Variants in LDLRAD4 observed in about 807,000 individuals in gnomAD.
LDLRAD4 encodes low-density lipoprotein receptor class A domain-containing protein 4.
A neutral mutation model predicts 17.0 loss-of-function variants in LDLRAD4; 5 were observed. That is an observed-to-expected ratio of 0.29 (90% confidence interval 0.15 to 0.62). LDLRAD4 has a LOEUF of 0.62. Among genes scored for constraint, LDLRAD4 ranks in the 20% least tolerant of loss-of-function variants. The probability of loss-of-function intolerance (pLI) is 0.84; values close to 1 mark genes in which losing one functional copy is unlikely to be tolerated. For missense variants in LDLRAD4, 340 were observed against 424.7 expected, an observed-to-expected ratio of 0.80 and a Z score of 1.75; for synonymous variants, 168 against 171.8, an observed-to-expected ratio of 0.98 and a Z score of 0.17.
At chr18:13,650,918 G>A (rs758734935) in exon 6 of LDLRAD4, 1 of 152,212 alleles carries the variant, frequency 6.6e-6, no homozygotes, top group African/African-American at 2.4e-5. Context: ...TATGACCAGC[G>A]TATATATAGC....
chr18:13,365,188 G>T (rs1035653531), intron 1 of LDLRAD4, among the ~76,000 whole-genome samples: 2 of 152,180 alleles, frequency 1.3e-5, no homozygotes, highest in Non-Finnish European at 2.9e-5. Context: ...TCCTTGGAAG[G>T]AGCTCCTGTA....
At chr18:13,369,543 T>G (rs2084306170) in intron 1 of LDLRAD4, among the ~76,000 whole-genome samples, 2 of 151,138 alleles carry the variant, frequency 1.3e-5, no homozygotes, top group African/African-American at 2.4e-5. Context: ...GAGATGAGAG[T>G]GGAAGGGAGG....
intron 2 of LDLRAD4, among the ~76,000 whole-genome samples, chr18:13,422,800 C>A (rs979460804): frequency 2.0e-5 from 3 of 152,238 alleles, no homozygotes; most frequent in Non-Finnish European, 4.4e-5. Context: ...GTTTTTTCCT[C>A]TTCTGTCTCA....
chr18:13,281,493 T>C (rs536162518), intron 1 of LDLRAD4, among the ~76,000 whole-genome samples: 2 of 152,348 alleles, frequency 1.3e-5, no homozygotes, highest in Non-Finnish European at 1.5e-5. Context: ...TGGGGGCTTC[T>C]AACTTGAGGA....
intron 1 of LDLRAD4, among the ~76,000 whole-genome samples, chr18:13,368,665 C>T (rs1210269347): frequency 6.6e-6 from 1 of 152,214 alleles, no homozygotes; most frequent in Non-Finnish European, 1.5e-5. Context: ...TCTCCAGTCA[C>T]TTTTATGTGG....
chr18:13,369,427 C>T (rs373453107), intron 1 of LDLRAD4, among the ~76,000 whole-genome samples: 4 of 152,002 alleles, frequency 2.6e-5, no homozygotes, highest in East Asian at 1.9e-4. Flanking sequence ...GTTGGGTGGG[C>T]GGCCATGGTC....
At chr18:13,581,445 A>G (rs566676015) in intron 3 of LDLRAD4, among the ~76,000 whole-genome samples, 1 of 152,314 alleles carries the variant, frequency 6.6e-6, no homozygotes, top group East Asian at 1.9e-4. Flanking sequence ...GAGCTGCTGC[A>G]TTCTGTTTTC....
At chr18:13,381,697 A>G (rs574542828) in intron 1 of LDLRAD4, among the ~76,000 whole-genome samples, 2 of 152,360 alleles carry the variant, frequency 1.3e-5, no homozygotes, top group African/African-American at 4.8e-5. Flanking sequence ...GACGTGTGAC[A>G]TCTCCCTTGG....
chr18:13,496,885 C>T (rs997212541), intron 3 of LDLRAD4, among the ~76,000 whole-genome samples: 1 of 152,244 alleles, frequency 6.6e-6, no homozygotes, highest in African/African-American at 2.4e-5. Flanking sequence ...ACCTGGGCAC[C>T]CCAGTGGACT....
chr18:13,233,704 G>A (rs1013255004), intron 1 of LDLRAD4, among the ~76,000 whole-genome samples: 6 of 152,092 alleles, frequency 3.9e-5, no homozygotes, highest in African/African-American at 1.2e-4. Flanking sequence ...ACTCACAGCT[G>A]GAGAGCTTAG....
intron 3 of LDLRAD4, 115 bp downstream of exon 4, chr18:13,438,499 G>A: frequency 1.3e-6 from 1 of 795,614 alleles, no homozygotes; most frequent in Non-Finnish European, 2.1e-6. Flanking sequence ...AAAGAGATTT[G>A]CATTTTCACA....
chr18:13,303,528 C>T lies in LDLRAD4; in HGVS notation c.-383+25340C>T, dbSNP rs965945280. ...TTCCTTTCTTGTAGAGAGGGGCTCT[C>T]GTTATGTTGCCTGGGCTGGTCTCAA... On this transcript the variant is annotated intron_variant, in intron 1 of 5. Transcript: ENST00000359446. Among the ~76,000 whole-genome samples, 10 of 152,142 alleles carry T rather than the reference C, an allele frequency of 6.6e-5. No individual in the cohort carries two copies. In the East Asian group the frequency reaches 7.7e-4, roughly 12 times the overall value.
Position 13,367,121 on chromosome 18 carries a change from C to A in LDLRAD4, c.-382-20220C>A, listed in dbSNP as rs2084112025. ...AGCGAGATGCAAACTGGGTGTCACA[C>A]AGAACAGTCCTGTTGCTGTCCACAG... is the stretch of plus-strand genomic sequence containing the variant. On this transcript the variant is annotated intron_variant, in intron 1 of 5. Transcript: ENST00000359446. The surrounding 1 kb of genome is among the most constrained non-coding windows in gnomAD (Gnocchi z 4.1). Among the ~76,000 whole-genome samples, 1 of 152,170 alleles carries A rather than the reference C, an allele frequency of 6.6e-6. No individual in the cohort carries two copies. Among genetic ancestry groups the A allele is most frequent in the Non-Finnish European group, 1.5e-5 (1 of 68,044 alleles).
intron 3 of LDLRAD4, among the ~76,000 whole-genome samples, chr18:13,586,808 C>A (rs1409131364): frequency 6.6e-6 from 1 of 150,730 alleles, no homozygotes; most frequent in African/African-American, 2.4e-5. Flanking sequence ...AAACCCTTGA[C>A]CCTGGGAGGC....
intron 3 of LDLRAD4, among the ~76,000 whole-genome samples, chr18:13,593,945 T>G (rs2148569001): frequency 6.6e-6 from 1 of 152,262 alleles, no homozygotes; most frequent in African/African-American, 2.4e-5. Context: ...CAAGTGCACA[T>G]CACCACACCC....
Position 13,602,023 on chromosome 18 carries a change from G to A in LDLRAD4, c.182-19094G>A, listed in dbSNP as rs568779263. 9.8e-5 allele frequency among the ~76,000 whole-genome samples: 15 copies of A among 152,312 alleles called. No homozygotes were observed. The East Asian group carries it at 1.7e-3, about 18-fold the overall frequency. On this transcript the variant is annotated intron_variant, in intron 3 of 5. Transcript: ENST00000359446. ...CCTTTGCAGAAACATGGATGCAGCC[G>A]GAGGCCATTATTCTAAGTGAATTAA... is the stretch of plus-strand genomic sequence containing the variant.
intron 1 of LDLRAD4, among the ~76,000 whole-genome samples, chr18:13,287,188 G>C (rs1339568424): frequency 6.6e-6 from 1 of 152,172 alleles, no homozygotes; most frequent in Non-Finnish European, 1.5e-5. Context: ...CCTCTGGAGA[G>C]CAGGAGAAGT....
At position 13,635,968 on chromosome 18, in the gene LDLRAD4, T is replaced by TGTGTGTGA. The variant is rs1344178358; in HGVS notation, c.337-7390_337-7389insTGTGTGAG. 2.5e-3 allele frequency among the ~76,000 whole-genome samples: 367 copies of TGTGTGTGA among 147,948 alleles called. 3 individuals carry two copies. The highest frequency in any genetic ancestry group is 8.5e-3 in the African/African-American group (345 of 40,672). On this transcript the variant is annotated intron_variant, in intron 4 of 5. Coordinates refer to ENST00000359446, the Ensembl canonical transcript of LDLRAD4. ...GTGTGTGTGTGTGTGTGTGTGTGTG[T>TGTGTGTGA]GATTGTGCCTTCTGTGGATATCGGC...
At chr18:13,564,022 C>A (rs2094567843) in intron 3 of LDLRAD4, among the ~76,000 whole-genome samples, 1 of 152,170 alleles carries the variant, frequency 6.6e-6, no homozygotes, top group East Asian at 1.9e-4. Flanking sequence ...CCTCCCAACC[C>A]AGCCTCCCAA....
Sources: gnomAD v4.1 joint callset for allele counts (sites outside exome capture counted in the v4.1 genomes callset) on GRCh38, gnomAD v4.1.1 for gene constraint, Gnocchi (gnomAD v3.1) non-coding constraint, MANE v1.5 for transcripts, NCBI Gene and HGNC (gene_info 2026-07-23, HGNC 2026-07-21) for gene names.